ZNF366: variants seen among roughly 807,000 people sequenced by gnomAD.
ZNF366 encodes the protein zinc finger protein 366.
ZNF366 carries 20 observed loss-of-function variants against 47.2 expected under a neutral mutation model. The ratio of observed to expected loss-of-function variants is 0.42; its 90% CI spans 0.30 to 0.62. ZNF366 has a LOEUF of 0.62. Among genes scored for constraint, ZNF366 ranks in the 20% least tolerant of loss-of-function variants. The pLI, the probability that ZNF366 is intolerant of heterozygous loss-of-function variation, is 0.16. For synonymous variants in ZNF366, 421 were observed against 395.1 expected, an observed-to-expected ratio of 1.07 and a Z score of -0.78; for missense variants, 987 against 976.3, an observed-to-expected ratio of 1.01 and a Z score of -0.15.
intron 1 of ZNF366, among the ~76,000 whole-genome samples, chr5:72,468,850 G>A (rs1005674519): frequency 3.9e-5 from 6 of 152,164 alleles, no homozygotes; most frequent in African/African-American, 1.4e-4. Context: ...ATATGACTTA[G>A]CAGTTCTCTT....
intron 4 of ZNF366, 100 bp from the exon 5 acceptor site, chr5:72,444,391 G>A (rs1742920682): frequency 6.2e-6 from 8 of 1,298,640 alleles, no homozygotes; most frequent in Non-Finnish European, 8.4e-6. Context: ...GTATTCCGAT[G>A]CGTATTTTAA....
chr5:72,454,115 T>C (rs552919176), intron 3 of ZNF366, among the ~76,000 whole-genome samples: 2 of 152,374 alleles, frequency 1.3e-5, no homozygotes, highest in South Asian at 4.1e-4. Context: ...TTATGGGTTG[T>C]GATGGTGTGG....
At chr5:72,482,951 T>C (rs1743818158) in intron 1 of ZNF366, among the ~76,000 whole-genome samples, 1 of 152,164 alleles carries the variant, frequency 6.6e-6, no homozygotes, top group Non-Finnish European at 1.5e-5. Flanking sequence ...CGTATGTTAG[T>C]ACCCTAAACT....
In ZNF366 at chr5:72,460,761, C is replaced by T. The variant is rs760145025; in HGVS notation, c.736G>A (p.Val246Met). Residue 246 changes from valine (V) to methionine (M), a missense_variant, in exon 2 of 5, where the codon GTG becomes ATG. Transcript: ENST00000318442. ...VQIDDSYYVD[V>M]GGSQKRWQCP... ...TGCCAGCGCTTCTGCGAGCCGCCCA[C>T]GTCCACGTAGTAGCTGTCATCGATC... is the stretch of plus-strand genomic sequence containing the variant. The T allele has an allele frequency of 2.5e-6, 4 of 1,614,104 alleles. No homozygotes were observed. The highest frequency in any genetic ancestry group is 3.4e-6 in the Non-Finnish European group (4 of 1,180,060).
chr5:72,471,490 C>T (rs1443740912), intron 1 of ZNF366, among the ~76,000 whole-genome samples: 1 of 152,118 alleles, frequency 6.6e-6, no homozygotes, highest in Non-Finnish European at 1.5e-5. Flanking sequence ...CTGGTATTAT[C>T]TGCTGTCTCT....
At position 72,461,136 on chromosome 5, in the gene ZNF366, G is replaced by A. The variant is rs1255050640; in HGVS notation, c.361C>T (p.Arg121Cys). Reference protein sequence around the residue: ...NLPLLFPQPPRPKYDSQMIDL... With the variant: ...NLPLLFPQPPCPKYDSQMIDL... Reference sequence around the variant, plus strand: ...ATCATCTGAGAGTCATACTTGGGGCGCGGGGGCTGCGGGAACAGCAAAGGG... The same window carrying A: ...ATCATCTGAGAGTCATACTTGGGGCACGGGGGCTGCGGGAACAGCAAAGGG... Residue 121 changes from arginine to cysteine, a missense_variant, in exon 2 of 5, where the codon CGC (arginine) becomes TGC (cysteine). Transcript: ENST00000318442. The A allele has an allele frequency of 5.6e-6, 9 of 1,614,102 alleles. No individual in the cohort carries two copies. Among genetic ancestry groups the A allele is most frequent in the Admixed American group, 1.7e-5 (1 of 60,026 alleles).
intron 1 of ZNF366, among the ~76,000 whole-genome samples, chr5:72,484,499 AATAAT>A (rs1743855011): frequency 6.9e-6 from 1 of 144,486 alleles, no homozygotes; most frequent in African/African-American, 2.5e-5. Flanking sequence ...AAAAAAAAAT[AATAAT>A]AATAATAATA....
At chr5:72,466,643 G>A (rs1287049146) in intron 1 of ZNF366, among the ~76,000 whole-genome samples, 5 of 152,342 alleles carry the variant, frequency 3.3e-5, no homozygotes, top group Admixed American at 2.6e-4. Flanking sequence ...ACTGCTTTGG[G>A]ATGAGAGAAG....
chr5:72,451,222 G>T (rs1344689741), intron 3 of ZNF366, among the ~76,000 whole-genome samples: 1 of 152,256 alleles, frequency 6.6e-6, no homozygotes, highest in Non-Finnish European at 1.5e-5. Context: ...CTCCACCAGC[G>T]TGCCCCCGCT....
intron 1 of ZNF366, among the ~76,000 whole-genome samples, chr5:72,465,006 C>T (rs965485643): frequency 9.2e-5 from 14 of 151,376 alleles, no homozygotes; most frequent in Admixed American, 2.0e-4. Context: ...TGCAGTGAGC[C>T]GAGATTGCAC....
chr5:72,505,749 C>T (rs1744307380), intron 1 of ZNF366, among the ~76,000 whole-genome samples: 2 of 152,202 alleles, frequency 1.3e-5, no homozygotes, highest in South Asian at 4.1e-4. Flanking sequence ...ATAAATGATG[C>T]AATAATGCCC....
chr5:72,475,680 G>A (rs1169730426), intron 1 of ZNF366, among the ~76,000 whole-genome samples: 1 of 152,188 alleles, frequency 6.6e-6, no homozygotes, highest in Non-Finnish European at 1.5e-5. Flanking sequence ...ATGTTGGAGT[G>A]AGGTAGTCAA....
At chr5:72,451,067 A>G (rs1743059708) in intron 3 of ZNF366, among the ~76,000 whole-genome samples, 1 of 152,274 alleles carries the variant, frequency 6.6e-6, no homozygotes, top group Admixed American at 6.5e-5. Flanking sequence ...TCCTTAAATC[A>G]TGTGATGTGA....
intron 1 of ZNF366, among the ~76,000 whole-genome samples, chr5:72,463,229 A>G (rs1345747554): frequency 6.6e-6 from 1 of 152,188 alleles, no homozygotes; most frequent in Non-Finnish European, 1.5e-5. Context: ...CTTAAATGGC[A>G]TGTGTGTCTT....
intron 1 of ZNF366, among the ~76,000 whole-genome samples, chr5:72,488,954 C>T (rs1743949354): frequency 6.6e-6 from 1 of 152,218 alleles, no homozygotes; most frequent in Non-Finnish European, 1.5e-5. Flanking sequence ...CTTTTGGGCA[C>T]ATGGTTGTAT....
At chr5:72,484,487 A>ACAAC (rs1743852488) in intron 1 of ZNF366, among the ~76,000 whole-genome samples, 3 of 149,296 alleles carry the variant, frequency 2.0e-5, no homozygotes, top group Admixed American at 6.6e-5. Flanking sequence ...CCGTCTCAAA[A>ACAAC]AAAAAAAAAA....
chr5:72,498,684 T>C (rs974336021), intron 1 of ZNF366, among the ~76,000 whole-genome samples: 1 of 152,238 alleles, frequency 6.6e-6, no homozygotes, highest in Non-Finnish European at 1.5e-5. Flanking sequence ...AGATACTACA[T>C]TCTTGAGTCA....
intron 1 of ZNF366, among the ~76,000 whole-genome samples, chr5:72,464,829 G>A (rs1335054969): frequency 6.6e-6 from 1 of 152,170 alleles, no homozygotes; most frequent in East Asian, 1.9e-4. Flanking sequence ...GGGAGGCTGA[G>A]GCAGGTGGAT....
intron 1 of ZNF366, among the ~76,000 whole-genome samples, chr5:72,496,677 G>A (rs1744118824): frequency 6.6e-6 from 1 of 152,108 alleles, no homozygotes; most frequent in Admixed American, 6.5e-5. Context: ...GGGTTGTATG[G>A]TAAGCATATA....
Sources: allele counts gnomAD v4.1 joint callset (sites outside exome capture counted in the v4.1 genomes callset), GRCh38; gene constraint gnomAD v4.1.1; transcripts MANE v1.5; gene names NCBI Gene and HGNC (gene_info 2026-07-23, HGNC 2026-07-21).